EFNA1: variants seen among roughly 807,000 people sequenced by gnomAD.
The protein encoded by EFNA1 is ephrin A1.
EFNA1 carries 8 observed loss-of-function variants against 23.2 expected under a neutral mutation model. That is an observed-to-expected ratio of 0.34 (90% CI 0.20 to 0.62). The LOEUF (loss-of-function observed/expected upper bound fraction) is 0.62, where lower values mean the gene tolerates loss of function less well. Ranked by LOEUF, EFNA1 falls within the 20% of genes least tolerant of loss-of-function variation. The probability of loss-of-function intolerance (pLI) is 0.75; values close to 1 mark genes in which losing one functional copy is unlikely to be tolerated. For synonymous variants in EFNA1, 89 were observed against 98.6 expected, an observed-to-expected ratio of 0.90 and a Z score of 0.58; for missense variants, 217 against 260.0, an observed-to-expected ratio of 0.83 and a Z score of 1.14.
chr1:155,130,659 G>C (rs1664220654), intron 1 of EFNA1: 2 of 985,226 alleles, frequency 2.0e-6, no homozygotes, highest in Admixed American at 1.2e-4. Context: ...GTATAACTTT[G>C]AGTAGCTAGA....
intron 2 of EFNA1, among the ~76,000 whole-genome samples, chr1:155,132,323 A>G (rs910665897): frequency 6.6e-6 from 1 of 151,810 alleles, no homozygotes; most frequent in African/African-American, 2.4e-5. Flanking sequence ...ATCTCTGCTC[A>G]CTGCAACCTC....
At chr1:155,132,226 G>A (rs942608455) in intron 2 of EFNA1, among the ~76,000 whole-genome samples, 3 of 151,982 alleles carry the variant, frequency 2.0e-5, no homozygotes, top group Non-Finnish European at 2.9e-5. Context: ...CGCCACTGAT[G>A]GGTTTTATTT....
In EFNA1 at chr1:155,131,394, A is replaced by G; in HGVS notation, c.148A>G (p.Ile50Val). ...HVQLNDYVDI[I>V]CPHYEDHSVA... The stretch of plus-strand genomic sequence containing the variant: ...GCAGCTGAATGACTACGTGGACATC[A>G]TCTGTCCGCACTATGAAGATCACTC... The change falls in exon 2 of 5, where the codon ATC becomes GTC. Residue 50 changes from isoleucine (I) to valine (V), a missense_variant. Transcript: ENST00000368407. 1 of 1,614,174 alleles carries G rather than the reference A, an allele frequency of 6.2e-7. No homozygotes were observed.
chr1:155,133,856 C>T, intron 4 of EFNA1, 76 bp downstream of exon 4: 1 of 1,606,726 alleles, frequency 6.2e-7, no homozygotes, highest in Non-Finnish European at 8.5e-7. Context: ...GGAGGTGGCT[C>T]CTTTACCAGG....
chr1:155,133,417 C>A, intron 2 of EFNA1, 86 bp from the exon 3 acceptor site: 1 of 1,443,286 alleles, frequency 6.9e-7, no homozygotes, highest in Non-Finnish European at 9.7e-7. Context: ...GAGTAGGGAG[C>A]TGAGAAAGCA....
chr1:155,131,768 C>T, intron 2 of EFNA1, 134 bp downstream of exon 2: 2 of 1,030,764 alleles, frequency 1.9e-6, no homozygotes, highest in East Asian at 2.6e-5. Flanking sequence ...TCATCTACAT[C>T]CCAATGTGAG....
chr1:155,131,465 G>C lies in EFNA1; in HGVS notation c.219G>C (p.Glu73Asp). 6.2e-7 allele frequency: 1 copy of C among 1,613,998 alleles called. No homozygotes were observed. Among genetic ancestry groups the C allele is most frequent in the South Asian group, 1.1e-5 (1 of 91,046 alleles). ...AGCAGTACATACTGTACCTGGTGGA[G>C]CATGAGGAGTACCAGCTGTGCCAGC... ...AMEQYILYLVEHEEYQLCQPQ... is the reference protein window; with the variant it reads ...AMEQYILYLVDHEEYQLCQPQ... The change falls in exon 2 of 5, where the codon GAG becomes GAC. Residue 73 changes from glutamate (E) to aspartate (D), a missense_variant. Physicochemically the swap from Glu to Asp is conservative, Grantham distance 45. Transcript: ENST00000368407.
At chr1:155,132,302 G>A (rs1664254631) in intron 2 of EFNA1, among the ~76,000 whole-genome samples, 3 of 152,010 alleles carry the variant, frequency 2.0e-5, no homozygotes, top group South Asian at 4.1e-4. Flanking sequence ...AGGCTGGAGT[G>A]CAGTGGTGTG....
At chr1:155,130,346 C>A (rs1664205719) in intron 1 of EFNA1, among the ~76,000 whole-genome samples, 1 of 152,094 alleles carries the variant, frequency 6.6e-6, no homozygotes, top group Non-Finnish European at 1.5e-5. Flanking sequence ...ACTGGGACCC[C>A]ACCCAGGCTG....
rs759698206 is a variant in EFNA1 at position 155,131,610 on chromosome 1, G to A, written c.364G>A (p.Glu122Lys). ...TTTCACCCTGGGCAAGGAGTTCAAA[G>A]AAGGACACAGCTACTACTACATCTG... The part of the protein sequence containing the change: ...TPFTLGKEFK[E>K]GHSYYYISKP... Residue 122 changes from glutamate to lysine, a missense_variant, in exon 2 of 5, where the codon GAA becomes AAA. Coordinates refer to ENST00000368407, the MANE Select transcript of EFNA1 (RefSeq NM_004428.3). The A allele has an allele frequency of 3.7e-6, 6 of 1,613,072 alleles. No homozygotes were observed. The highest frequency in any genetic ancestry group is 3.3e-5 in the South Asian group (3 of 91,060).
At chr1:155,130,492 GGAGGAGA>G in intron 1 of EFNA1, 1 of 981,868 alleles carries the variant, frequency 1.0e-6, no homozygotes, top group Non-Finnish European at 1.2e-6. Flanking sequence ...GAGGGGGAGA[GGAGGAGA>G]GAGGGGAGAG....
At chr1:155,131,237 T>G (rs1664233587) in intron 1 of EFNA1, 102 bp from the exon 2 acceptor site, 2 of 1,453,266 alleles carry the variant, frequency 1.4e-6, no homozygotes, top group Non-Finnish European at 1.9e-6. Context: ...TCTCTTGGGG[T>G]CCAGTGTGAA....
intron 1 of EFNA1, among the ~76,000 whole-genome samples, chr1:155,128,988 C>G (rs899108785): frequency 1.3e-5 from 2 of 152,110 alleles, no homozygotes; most frequent in African/African-American, 4.8e-5. Flanking sequence ...TAGCCACTCT[C>G]GGCCCTAGCA....
chr1:155,130,161 G>T (rs1262073972), intron 1 of EFNA1, among the ~76,000 whole-genome samples: 1 of 152,202 alleles, frequency 6.6e-6, no homozygotes, highest in Non-Finnish European at 1.5e-5. Flanking sequence ...TTGGGCAGTG[G>T]GTGCCCACCT....
rs372586018 is a variant in EFNA1, at chr1:155,130,735, A to T, written c.93-604A>T. 18 of 985,358 alleles carry T rather than the reference A, an allele frequency of 1.8e-5. No homozygotes were observed. The African/African-American group carries it at 2.1e-4, about 11-fold the overall frequency. The allele number at this position is 985,358 out of a possible 1,614,324, so 61.0% of individuals were successfully genotyped here. A position where few individuals can be genotyped will look rare whatever the true frequency, so the allele number is the denominator to read the frequency against. On this transcript the variant is annotated intron_variant, in intron 1 of 4. Transcript: ENST00000368407. ...ATTTAACTTAAAGGACTGGGGCATT[A>T]TCTGTGGGCCCGGGTATACTAGCTT...
At position 155,131,610 on chromosome 1, in the gene EFNA1, G is replaced by C. The variant is rs759698206; in HGVS notation, c.364G>C (p.Glu122Gln). ...TPFTLGKEFK[E>Q]GHSYYYISKP... ...TTTCACCCTGGGCAAGGAGTTCAAA[G>C]AAGGACACAGCTACTACTACATCTG... is the stretch of plus-strand genomic sequence containing the variant. Residue 122 changes from glutamate (E) to glutamine (Q), a missense_variant, in exon 2 of 5, where the codon GAA (glutamate) becomes CAA (glutamine). Glu to Gln is a conservative substitution (Grantham distance 29). Coordinates refer to ENST00000368407, the MANE Select transcript of EFNA1 (RefSeq NM_004428.3). 1.2e-6 allele frequency: 2 copies of C among 1,613,072 alleles called. No homozygotes were observed. Among genetic ancestry groups the C allele is most frequent in the Admixed American group, 3.3e-5 (2 of 59,998 alleles).
At chr1:155,133,427 A>G in intron 2 of EFNA1, 76 bp from the exon 3 acceptor site, 1 of 1,509,814 alleles carries the variant, frequency 6.6e-7, no homozygotes, top group African/African-American at 1.4e-5. Flanking sequence ...CTGAGAAAGC[A>G]GGGCGAGGGG....
At chr1:155,132,744 C>T (rs899323189) in intron 2 of EFNA1, among the ~76,000 whole-genome samples, 10 of 151,396 alleles carry the variant, frequency 6.6e-5, no homozygotes, top group African/African-American at 1.7e-4. Flanking sequence ...GCAGGAGGAT[C>T]GCTTGAACCC....
In EFNA1 at chr1:155,127,960, C is replaced by A; in HGVS notation, c.-18C>A. On this transcript the variant is annotated 5_prime_UTR_variant, in exon 1 of 5. The change creates a new upstream start codon in the 5' untranslated region. Coordinates refer to ENST00000368407, the MANE Select transcript of EFNA1 (RefSeq NM_004428.3). This position sits in a 1 kb window ranked among gnomAD's most constrained non-coding sequence, Gnocchi z 4.4. ...TAGGAGACCCGCGTCCCCGCTCGGC[C>A]TGGCCAGGCCCCGCGCTATGGAGTT... is the stretch of plus-strand genomic sequence containing the variant. The A allele has an allele frequency of 6.2e-7, 1 of 1,609,472 alleles. No homozygotes were observed. Among genetic ancestry groups the A allele is most frequent in the Non-Finnish European group, 8.5e-7 (1 of 1,178,124 alleles).
Sources: gnomAD v4.1 joint callset for allele counts (sites outside exome capture counted in the v4.1 genomes callset) on GRCh38, gnomAD v4.1.1 for gene constraint, Gnocchi (gnomAD v3.1) non-coding constraint, MANE v1.5 for transcripts, NCBI Gene and HGNC (gene_info 2026-07-23, HGNC 2026-07-21) for gene names.